Variants in SMG1 observed in about 807,000 individuals in gnomAD.
The protein encoded by SMG1 is serine/threonine-protein kinase SMG1.
A neutral mutation model predicts 419.9 loss-of-function variants in SMG1; 22 were observed. That is an observed-to-expected ratio of 0.05 (90% CI 0.04 to 0.07). The LOEUF is 0.07. Ranked by LOEUF, SMG1 falls within the 10% of genes least tolerant of loss-of-function variation. The probability of loss-of-function intolerance (pLI) is 1.00; values close to 1 mark genes in which losing one functional copy is unlikely to be tolerated. For synonymous variants in SMG1, 1,538 were observed against 1,553.5 expected (o/e 0.99, Z 0.23); for missense variants, 3,185 against 4,342.0 (o/e 0.73, Z 7.49).
At chr16:18,849,001 CAG>C (rs1477275386) in intron 36 of SMG1, among the ~76,000 whole-genome samples, 1 of 133,890 alleles carries the variant, frequency 7.5e-6, no homozygotes, top group Non-Finnish European at 1.5e-5. Flanking sequence ...ACCTGGGAGG[CAG>C]AGACTGCAGT....
intron 51 of SMG1, among the ~76,000 whole-genome samples, chr16:18,831,274 T>C (rs2033154594): frequency 6.6e-6 from 1 of 152,158 alleles, no homozygotes; most frequent in African/African-American, 2.4e-5. Flanking sequence ...AACTACCAGA[T>C]AAATTTCTAA....
intron 4 of SMG1, 111 bp from the exon 5 acceptor site, chr16:18,891,032 A>C (rs2036853589): frequency 1.5e-6 from 1 of 685,662 alleles, no homozygotes; most frequent in Non-Finnish European, 2.7e-6. Context: ...ACAGTACTTT[A>C]GTTTCTTTAT....
rs1339776099 is a variant in SMG1, at chr16:18,836,422, T to C, written c.7715A>G (p.Asn2572Ser). ...TGCAAGCTGTGTTGCTTCTAAATTATTGAATGCAGCCTGATAATGTGTTAT... is the reference window on the plus strand; with the variant it reads ...TGCAAGCTGTGTTGCTTCTAAATTACTGAATGCAGCCTGATAATGTGTTAT... ...QWITHYQAAF[N>S]NLEATQLASL... Residue 2572 changes from asparagine to serine, a missense_variant, in exon 47 of 63, where the codon AAT becomes AGT. Physicochemically the swap from Asn to Ser is conservative, Grantham distance 46. Transcript: ENST00000446231. 3 of 1,614,058 alleles carry C rather than the reference T, an allele frequency of 1.9e-6. No homozygotes were observed. The highest frequency in any genetic ancestry group is 2.2e-5 in the East Asian group (1 of 44,884).
chr16:18,906,119 C>A (rs2037551022), intron 1 of SMG1, among the ~76,000 whole-genome samples: 1 of 151,984 alleles, frequency 6.6e-6, no homozygotes, highest in African/African-American at 2.4e-5. Context: ...CCAGACATTC[C>A]CATTCTCTTC....
intron 6 of SMG1, 149 bp from the exon 7 acceptor site, chr16:18,885,815 T>C (rs974817022): frequency 9.7e-5 from 64 of 660,678 alleles, no homozygotes; most frequent in Non-Finnish European, 1.2e-4. Context: ...AAAAAAAAAA[T>C]TGACTTGTAA....
chr16:18,851,515 AAAGT>A (rs770931639), intron 33 of SMG1, among the ~76,000 whole-genome samples: 15 of 152,266 alleles, frequency 9.9e-5, no homozygotes, highest in Non-Finnish European at 1.8e-4. Flanking sequence ...ATTTCTGATA[AAAGT>A]AATTAAAAAA....
chr16:18,900,024 G>A, intron 1 of SMG1: 1 of 1,530,012 alleles, frequency 6.5e-7, no homozygotes, highest in Non-Finnish European at 8.7e-7. Flanking sequence ...GAGCCTTTGT[G>A]ATGTTTTGCA....
chr16:18,916,513 CAA>C (rs59985733), intron 1 of SMG1, among the ~76,000 whole-genome samples: 1,473 of 68,724 alleles, frequency 0.021, 12 homozygotes, highest in African/African-American at 0.068. Context: ...GACTCCATCT[CAA>C]AAAAAAAAAA....
intron 10 of SMG1, among the ~76,000 whole-genome samples, chr16:18,880,724 G>GGC (rs1555501213): frequency 7.1e-6 from 1 of 140,626 alleles, no homozygotes; most frequent in African/African-American, 2.6e-5. Flanking sequence ...AAAAAAAAGG[G>GGC]GGGGGGCGCG....
At chr16:18,886,985 T>C (rs930957344) in intron 6 of SMG1, among the ~76,000 whole-genome samples, 1 of 152,200 alleles carries the variant, frequency 6.6e-6, no homozygotes, top group African/African-American at 2.4e-5. Flanking sequence ...ATTCCTGTTA[T>C]ACAGAAGAAA....
chr16:18,867,285 G>A (rs2035563615), intron 22 of SMG1, among the ~76,000 whole-genome samples: 3 of 152,082 alleles, frequency 2.0e-5, no homozygotes, highest in Admixed American at 2.0e-4. Flanking sequence ...TGTAATCCCA[G>A]CACTTTGGAA....
intron 33 of SMG1, 133 bp from the exon 34 acceptor site, chr16:18,850,600 C>G (rs1420623354): frequency 4.8e-6 from 3 of 626,568 alleles, no homozygotes; most frequent in Non-Finnish European, 8.3e-6. Flanking sequence ...GTGTTATACA[C>G]AGTAAGTCAA....
At chr16:18,903,191 T>G (rs984782841) in intron 1 of SMG1, among the ~76,000 whole-genome samples, 6 of 152,204 alleles carry the variant, frequency 3.9e-5, no homozygotes, top group South Asian at 2.1e-4. Flanking sequence ...TGTTGCTTAT[T>G]TTCCTTCCAA....
In SMG1 at chr16:18,815,496, A is replaced by C. The variant is rs958940336; in HGVS notation, c.10458T>G (p.Val3486=). The change falls in exon 59 of 63, where the codon GTT becomes GTG. Residue 3486 remains valine, a synonymous_variant. Transcript: ENST00000446231. ...AMGQVRSQEH[V]EMLQEITPTL... ...TGGGAGTGATTTCCTGGAGCATTTC[A>C]ACGTGTTCTTGACTTCGAACCTGAC... is the stretch of plus-strand genomic sequence containing the variant. The C allele has an allele frequency of 3.7e-6, 6 of 1,613,952 alleles. No individual in the cohort carries two copies. The African/African-American group carries it at 5.3e-5, about 14-fold the overall frequency.
Position 18,839,939 on chromosome 16 carries a change from T to A in SMG1, c.6704A>T (p.Asp2235Val). The change falls in exon 42 of 63, where the codon GAT becomes GTT. Residue 2235 changes from aspartate (D) to valine (V), a missense_variant. Coordinates refer to ENST00000446231, the MANE Select transcript of SMG1 (RefSeq NM_015092.5). The part of the protein sequence containing the change: ...EAALQAQKAQ[D>V]SYQTPQNPGI... ...AGGATTCTGAGGAGTTTGGTAGGAA[T>A]CTTGGGCCTTAAGAAAAAACAATTT... The A allele has an allele frequency of 6.4e-7, 1 of 1,569,292 alleles. No individual in the cohort carries two copies.
Position 18,872,474 on chromosome 16 carries a change from A to G in SMG1, c.2021+20T>C. Reference sequence around the variant, plus strand: ...AAAATGTTTTGTGGGGTTCTTAAGAAAAATTTGTAAATACAGTACCTGGTA... The same window carrying G: ...AAAATGTTTTGTGGGGTTCTTAAGAGAAATTTGTAAATACAGTACCTGGTA... On this transcript the variant is annotated intron_variant, in intron 14 of 62. Coordinates refer to ENST00000446231, the MANE Select transcript of SMG1 (RefSeq NM_015092.5). 1 of 1,538,562 alleles carries G rather than the reference A, an allele frequency of 6.5e-7. No individual in the cohort carries two copies. The highest frequency in any genetic ancestry group is 2.3e-5 in the East Asian group (1 of 43,512).
intron 5 of SMG1, among the ~76,000 whole-genome samples, chr16:18,890,593 T>C (rs569827682): frequency 6.6e-6 from 1 of 152,216 alleles, no homozygotes; most frequent in African/African-American, 2.4e-5. Context: ...GAGGTTGCAG[T>C]GAGCTGAGAT....
intron 1 of SMG1, among the ~76,000 whole-genome samples, chr16:18,913,245 C>A (rs1457226893): frequency 6.6e-6 from 1 of 152,018 alleles, no homozygotes. Context: ...ACACTTCAGA[C>A]AAGAAATTCC....
At chr16:18,864,736 C>A (rs2035406379) in intron 23 of SMG1, among the ~76,000 whole-genome samples, 1 of 152,124 alleles carries the variant, frequency 6.6e-6, no homozygotes, top group Admixed American at 6.5e-5. Context: ...CTCAGTCTCC[C>A]CAAGTACTGG....
Sources: allele counts gnomAD v4.1 joint callset (sites outside exome capture counted in the v4.1 genomes callset), GRCh38; gene constraint gnomAD v4.1.1; transcripts MANE v1.5; gene names NCBI Gene and HGNC (gene_info 2026-07-23, HGNC 2026-07-21).